The following UGT1A5 variants were observed in gnomAD, a reference collection of about 807,000 sequenced individuals.
UGT1A5 encodes UDP glucuronosyltransferase family 1 member A5, also known as UDP-glucuronosyltransferase 1A5.
UGT1A5 carries 29 observed loss-of-function variants against 40.3 expected under a neutral mutation model. That is an observed-to-expected ratio of 0.72 (90% confidence interval 0.54 to 0.98). The LOEUF (loss-of-function observed/expected upper bound fraction) is 0.98. Among genes scored for constraint, UGT1A5 ranks in the 50% least tolerant of loss-of-function variants. The pLI is 0.00. For synonymous variants in UGT1A5, 257 were observed against 262.5 expected (o/e 0.98, Z 0.20); for missense variants, 678 against 677.9 (o/e 1.00, Z 0.00).
chr2:233,747,881 T>C, intron 1 of UGT1A5: 1 of 1,613,550 alleles, frequency 6.2e-7, no homozygotes, highest in Non-Finnish European at 8.5e-7. Context: ...TGTCCTACCT[T>C]TGCCATGCTC....
At chr2:233,755,170 T>A (rs1240762958) in intron 1 of UGT1A5, 1 of 1,262,070 alleles carries the variant, frequency 7.9e-7, no homozygotes. Context: ...TCGGGGTTTT[T>A]GTCGGGGTGC....
chr2:233,742,226 C>T (rs1013770254), intron 1 of UGT1A5, among the ~76,000 whole-genome samples: 6 of 151,818 alleles, frequency 4.0e-5, no homozygotes, highest in Admixed American at 6.5e-5. Flanking sequence ...GGCTGAGAGC[C>T]CCAAACAGAG....
intron 1 of UGT1A5, among the ~76,000 whole-genome samples, chr2:233,724,109 G>A (rs1321159895): frequency 1.4e-4 from 16 of 113,960 alleles, no homozygotes; most frequent in East Asian, 4.5e-4. Flanking sequence ...AGGGGCGGCC[G>A]GGCAGAGGCG....
chr2:233,768,682 G>A (rs375377866), intron 4 of UGT1A5, among the ~76,000 whole-genome samples: 30 of 141,324 alleles, frequency 2.1e-4, no homozygotes, highest in South Asian at 1.6e-3. Flanking sequence ...CACCTCCCAC[G>A]TTCAAGCAGT....
chr2:233,757,451 G>GTC (rs1696532284), intron 1 of UGT1A5, among the ~76,000 whole-genome samples: 1 of 150,202 alleles, frequency 6.7e-6, no homozygotes, highest in South Asian at 2.1e-4. Context: ...ACAGAAACAT[G>GTC]TCCAGAGCGC....
intron 1 of UGT1A5, among the ~76,000 whole-genome samples, chr2:233,733,833 G>A (rs1195470780): frequency 2.6e-5 from 4 of 152,136 alleles, no homozygotes; most frequent in African/African-American, 4.8e-5. Flanking sequence ...ATGAGTTAGG[G>A]AGGATTCCCT....
intron 1 of UGT1A5, among the ~76,000 whole-genome samples, chr2:233,732,898 G>T (rs1347576081): frequency 6.6e-6 from 1 of 151,914 alleles, no homozygotes; most frequent in Non-Finnish European, 1.5e-5. Context: ...AATTACCTTG[G>T]GCAGTATGGC....
rs2076824965 is a variant in UGT1A5, at chr2:233,720,038, T to G, written c.867+6180T>G. On this transcript the variant is annotated intron_variant, in intron 1 of 4. Transcript: ENST00000373414. ...TCCTGGGGTTTTTGCTTGCCTGATTTTCAGCTGAACGGTGATGCAACAGTA... is the reference window on the plus strand; with the variant it reads ...TCCTGGGGTTTTTGCTTGCCTGATTGTCAGCTGAACGGTGATGCAACAGTA... Among the ~76,000 whole-genome samples, 3 of 152,190 alleles carry G rather than the reference T, an allele frequency of 2.0e-5. No individual in the cohort carries two copies. In the South Asian group the frequency reaches 6.2e-4, roughly 32 times the overall value.
intron 1 of UGT1A5, among the ~76,000 whole-genome samples, chr2:233,716,440 T>G (rs1338804763): frequency 6.6e-6 from 1 of 152,154 alleles, no homozygotes. Flanking sequence ...AGGTTTTCCT[T>G]CATTTGGCCA....
intron 1 of UGT1A5, chr2:233,718,964 G>A (rs767708509): frequency 1.1e-5 from 17 of 1,614,104 alleles, no homozygotes; most frequent in Non-Finnish European, 1.4e-5. Flanking sequence ...GGGAGGCCTT[G>A]CGGGAGCTCC....
chr2:233,754,383 A>G (rs1695465574), intron 1 of UGT1A5: 2 of 292,680 alleles, frequency 6.8e-6, no homozygotes, highest in South Asian at 6.9e-5. Flanking sequence ...AAAGACAAAC[A>G]GAGGTCCTAT....
intron 1 of UGT1A5, chr2:233,730,029 G>A: frequency 6.2e-7 from 1 of 1,613,388 alleles, no homozygotes. Context: ...CAATGTTCCA[G>A]GCAAAACACT....
At chr2:233,715,655 C>T (rs2076462877) in intron 1 of UGT1A5, among the ~76,000 whole-genome samples, 1 of 152,008 alleles carries the variant, frequency 6.6e-6, no homozygotes, top group Non-Finnish European at 1.5e-5. Context: ...ACCTGTGGTC[C>T]CAGCTACTCG....
At chr2:233,747,962 C>G (rs780665543) in intron 1 of UGT1A5, 4 of 1,613,470 alleles carry the variant, frequency 2.5e-6, no homozygotes, top group Non-Finnish European at 2.5e-6. Context: ...ATCTTCTCAG[C>G]CATGCATCTG....
chr2:233,746,228 CA>C (rs1693331108), intron 1 of UGT1A5, among the ~76,000 whole-genome samples: 1 of 151,630 alleles, frequency 6.6e-6, no homozygotes, highest in Non-Finnish European at 1.5e-5. Context: ...GACAGATATG[CA>C]AACTGCTAAA....
intron 1 of UGT1A5, chr2:233,743,569 T>C (rs974809984): frequency 7.3e-7 from 1 of 1,367,258 alleles, no homozygotes; most frequent in Non-Finnish European, 9.8e-7. Context: ...CCAGCGGGTT[T>C]CCCAAGAGGT....
chr2:233,755,079 A>C, intron 1 of UGT1A5: 1 of 1,336,770 alleles, frequency 7.5e-7, no homozygotes, highest in Non-Finnish European at 1.0e-6. Flanking sequence ...GCGGTCATAG[A>C]TATCGCGTTT....
At chr2:233,749,888 T>C (rs1316797004) in intron 1 of UGT1A5, among the ~76,000 whole-genome samples, 2 of 151,790 alleles carry the variant, frequency 1.3e-5, no homozygotes. Flanking sequence ...TTCCTGAGGC[T>C]CCCCCCTCCA....
At position 233,713,141 on chromosome 2, in the gene UGT1A5, C is replaced by G. The variant is rs3755322; in HGVS notation, c.150C>G (p.Asp50Glu). The change falls in exon 1 of 5, where the codon GAC becomes GAG. Residue 50 changes from aspartate to glutamate, a missense_variant. Transcript: ENST00000373414. The stretch of plus-strand genomic sequence containing the variant: ...TCAGCATGCGGGAGGCCTTGCGGGA[C>G]CTCCATGCGAGAGGCCACCAGGTGG... ...HWLSMREALRDLHARGHQVVV... is the reference protein window; with the variant it reads ...HWLSMREALRELHARGHQVVV... 158,591 of 1,614,032 alleles carry G rather than the reference C, an allele frequency of 0.098. 8,806 individuals are homozygous for G. Among genetic ancestry groups the G allele is most frequent in the South Asian group, 0.2 (17,981 of 91,082 alleles).
Sources: allele counts gnomAD v4.1 joint callset (sites outside exome capture counted in the v4.1 genomes callset), GRCh38; gene constraint gnomAD v4.1.1; transcripts MANE v1.5; gene names NCBI Gene and HGNC (gene_info 2026-07-23, HGNC 2026-07-21).